The following CRYBB1 variants were observed in gnomAD, a reference collection of about 807,000 sequenced individuals.
The protein encoded by CRYBB1 is beta-crystallin B1.
Under a neutral mutation model 29.5 loss-of-function variants are expected in CRYBB1, and 16 were observed. That is an observed-to-expected ratio of 0.54 (90% CI 0.37 to 0.82). CRYBB1 has a LOEUF of 0.82. Ranked by LOEUF, CRYBB1 falls within the 40% of genes least tolerant of loss-of-function variation. The probability of loss-of-function intolerance (pLI) is 0.00; values close to 1 mark genes in which losing one functional copy is unlikely to be tolerated. For missense variants in CRYBB1, 300 were observed against 350.5 expected, an observed-to-expected ratio of 0.86 and a Z score of 1.15; for synonymous variants, 127 against 136.7, an observed-to-expected ratio of 0.93 and a Z score of 0.49.
rs141362656 is a variant in CRYBB1 at position 26,616,290 on chromosome 22, C to G, written c.30G>C (p.Ser10=). Residue 10 remains serine (S), a synonymous_variant, in exon 2 of 6, where the codon TCG becomes TCC. Transcript: ENST00000647684. The part of the protein sequence containing the change: MSQAAKASA[S]ATVAVNPGPD... ...GCCCTGGGTTCACCGCCACTGTGGC[C>G]GAGGCCGAGGCCTTTGCAGCCTGAG... 15 of 1,613,844 alleles carry G rather than the reference C, an allele frequency of 9.3e-6. No homozygotes were observed. The highest frequency in any genetic ancestry group is 1.2e-5 in the Non-Finnish European group (14 of 1,179,934).
chr22:26,600,528 G>A (rs189999316), intron 5 of CRYBB1, among the ~76,000 whole-genome samples: 17 of 152,346 alleles, frequency 1.1e-4, no homozygotes, highest in Admixed American at 1.1e-3. Flanking sequence ...CTAGCTGTGA[G>A]AATCTAGGTG....
chr22:26,610,991 G>A (rs141632997), intron 3 of CRYBB1, among the ~76,000 whole-genome samples: 56 of 152,268 alleles, frequency 3.7e-4, no homozygotes, highest in African/African-American at 1.3e-3. Context: ...TTGTCCTGGG[G>A]CTGCCCCTCC....
intron 5 of CRYBB1, among the ~76,000 whole-genome samples, chr22:26,600,592 C>G (rs550852183): frequency 6.6e-6 from 1 of 152,108 alleles, no homozygotes; most frequent in South Asian, 2.1e-4. Flanking sequence ...TGATAATGCA[C>G]CCACCTCCTT....
chr22:26,608,958 T>C (rs1050974933), intron 3 of CRYBB1, among the ~76,000 whole-genome samples: 24 of 152,254 alleles, frequency 1.6e-4, no homozygotes, highest in African/African-American at 5.8e-4. Flanking sequence ...CCAGTGAAGA[T>C]TGATTAAGGA....
intron 2 of CRYBB1, 43 bp from the exon 3 acceptor site, chr22:26,612,233 G>A (rs953652559): frequency 4.4e-6 from 6 of 1,374,580 alleles, no homozygotes; most frequent in South Asian, 3.5e-5. Context: ...AGTGAGGGGG[G>A]AGTCAAAAAT....
intron 3 of CRYBB1, among the ~76,000 whole-genome samples, chr22:26,610,452 C>G (rs1415126334): frequency 6.6e-6 from 1 of 152,136 alleles, no homozygotes; most frequent in Non-Finnish European, 1.5e-5. Context: ...CAGACACCAG[C>G]TGCATCTTTG....
intron 1 of CRYBB1, among the ~76,000 whole-genome samples, chr22:26,616,567 T>A (rs1929364328): frequency 6.6e-6 from 1 of 152,190 alleles, no homozygotes; most frequent in South Asian, 2.1e-4. Context: ...GACCATGCGG[T>A]TCCCTCCACT....
chr22:26,616,996 T>C (rs921066164), intron 1 of CRYBB1, among the ~76,000 whole-genome samples: 4 of 152,266 alleles, frequency 2.6e-5, no homozygotes, highest in Admixed American at 6.5e-5. Flanking sequence ...ACATAGGAGA[T>C]GCCCAATTAA....
intron 4 of CRYBB1, among the ~76,000 whole-genome samples, chr22:26,605,756 T>A (rs904963893): frequency 1.1e-4 from 17 of 151,696 alleles, no homozygotes; most frequent in Non-Finnish European, 1.9e-4. Context: ...GGTTTATTTT[T>A]TTTTTTTATT....
chr22:26,604,070 C>T (rs759164957), intron 4 of CRYBB1, among the ~76,000 whole-genome samples: 88 of 152,214 alleles, frequency 5.8e-4, no homozygotes, highest in Non-Finnish European at 8.4e-4. Context: ...GATCATCCAT[C>T]TTTTCAAAAG....
At chr22:26,608,112 G>A in intron 3 of CRYBB1, 91 bp from the exon 4 acceptor site, 1 of 1,603,148 alleles carries the variant, frequency 6.2e-7, no homozygotes, top group Non-Finnish European at 8.5e-7. Context: ...CCCCTGGCAA[G>A]GCAGCCCTGA....
chr22:26,612,597 C>G (rs1286385694), intron 2 of CRYBB1, among the ~76,000 whole-genome samples: 1 of 152,198 alleles, frequency 6.6e-6, no homozygotes, highest in East Asian at 1.9e-4. Context: ...AAATGATTGG[C>G]CTGCCTTGGC....
At chr22:26,617,399 C>T (rs1005658099) in intron 1 of CRYBB1, among the ~76,000 whole-genome samples, 8 of 152,298 alleles carry the variant, frequency 5.3e-5, no homozygotes, top group Non-Finnish European at 8.8e-5. Context: ...TTCTGTAAGG[C>T]GGAGCTAGTT....
chr22:26,616,176 G>T lies in CRYBB1; in HGVS notation c.144C>A (p.Ser48Arg), dbSNP rs368733100. The T allele has an allele frequency of 2.5e-6, 4 of 1,614,086 alleles. No homozygotes were observed. Among genetic ancestry groups the T allele is most frequent in the African/African-American group, 1.3e-5 (1 of 74,936 alleles). ...TLAPTTVPIT[S>R]AKAAELPPGN... ...CAGGAGGCAGTTCCGCCGCCTTGGC[G>T]CTGGTAATAGGCACGGTTGTTGGGG... is the stretch of plus-strand genomic sequence containing the variant. The change falls in exon 2 of 6, where the codon AGC becomes AGA. Residue 48 changes from serine to arginine, a missense_variant. Physicochemically the swap from Ser to Arg is moderately radical, Grantham distance 110 (BLOSUM62 -1). Coordinates refer to ENST00000647684, the MANE Select transcript of CRYBB1 (RefSeq NM_001887.4).
At chr22:26,615,806 GCCCGGC>G (rs924522905) in intron 2 of CRYBB1, among the ~76,000 whole-genome samples, 5 of 152,142 alleles carry the variant, frequency 3.3e-5, no homozygotes, top group African/African-American at 1.2e-4. Context: ...GAGCCACTGC[GCCCGGC>G]CCCACTTTCT....
chr22:26,610,385 G>C (rs1929119423), intron 3 of CRYBB1, among the ~76,000 whole-genome samples: 1 of 151,972 alleles, frequency 6.6e-6, no homozygotes, highest in Non-Finnish European at 1.5e-5. Flanking sequence ...ACAGACCCAG[G>C]CCCCCGGACC....
At position 26,605,692 on chromosome 22, in the gene CRYBB1, A is replaced by AAT. The variant is rs1555940605; in HGVS notation, c.432+2196_432+2197insAT. On this transcript the variant is annotated intron_variant, in intron 4 of 5. Coordinates refer to ENST00000647684, the MANE Select transcript of CRYBB1 (RefSeq NM_001887.4). Reference sequence around the variant, plus strand: ...GTCTCAAAAAAAAAAAAAAAAAAAAAGGAAAATAGAAACAGGCCAACCAAA... The same window carrying AAT: ...GTCTCAAAAAAAAAAAAAAAAAAAAAATGGAAAATAGAAACAGGCCAACCAAA... 6.7e-5 allele frequency among the ~76,000 whole-genome samples: 10 copies of AAT among 148,900 alleles called. No homozygotes were observed. The East Asian group carries it at 2.0e-3, about 30-fold the overall frequency.
At chr22:26,602,319 C>T (rs1422469311) in intron 4 of CRYBB1, among the ~76,000 whole-genome samples, 1 of 152,094 alleles carries the variant, frequency 6.6e-6, no homozygotes, top group Admixed American at 6.5e-5. Context: ...TGCCATGGCT[C>T]ATGTCTGTAA....
chr22:26,616,766 T>G (rs1467753628), intron 1 of CRYBB1, among the ~76,000 whole-genome samples: 1 of 152,162 alleles, frequency 6.6e-6, no homozygotes, highest in African/African-American at 2.4e-5. Flanking sequence ...CATCTGACCA[T>G]GAACCTCACC....
Sources: allele counts gnomAD v4.1 joint callset (sites outside exome capture counted in the v4.1 genomes callset), GRCh38; gene constraint gnomAD v4.1.1; transcripts MANE v1.5; gene names NCBI Gene and HGNC (gene_info 2026-07-23, HGNC 2026-07-21).